Variants in BCKDHB observed in about 807,000 individuals in gnomAD.
BCKDHB encodes the protein branched chain keto acid dehydrogenase E1 subunit beta.
BCKDHB carries 41 observed loss-of-function variants against 48.5 expected under a neutral mutation model. The ratio of observed to expected loss-of-function variants is 0.85; its 90% CI spans 0.66 to 1.10. BCKDHB has a LOEUF of 1.10. Ranked by LOEUF, BCKDHB falls within the 50% of genes least tolerant of loss-of-function variation. The pLI is 0.00. For missense variants in BCKDHB, 496 were observed against 494.2 expected, an observed-to-expected ratio of 1.00 and a Z score of -0.03; for synonymous variants, 201 against 174.8, an observed-to-expected ratio of 1.15 and a Z score of -1.18.
At chr6:80,303,336 G>A (rs796824935) in intron 9 of BCKDHB, among the ~76,000 whole-genome samples, 1 of 152,014 alleles carries the variant, frequency 6.6e-6, no homozygotes, top group Non-Finnish European at 1.5e-5. Context: ...TTTATTTAAC[G>A]AGTTAAGTTC....
chr6:80,227,919 T>C (rs1434789851), intron 8 of BCKDHB, among the ~76,000 whole-genome samples: 1 of 152,234 alleles, frequency 6.6e-6, no homozygotes, highest in Non-Finnish European at 1.5e-5. Flanking sequence ...GAAATATTTT[T>C]TCTTATGATT....
chr6:80,373,965 T>C, the BCKDHB span: 2 of 545,000 alleles, frequency 3.7e-6, no homozygotes, highest in Admixed American at 4.3e-5. Context: ...CATTCTGCCA[T>C]TCTGTGTCTT....
the BCKDHB span, among the ~76,000 whole-genome samples, chr6:80,409,575 CATATATATATATATATATATATAT>C: frequency 0.027 from 1,347 of 50,370 alleles, 53 homozygotes; most frequent in Non-Finnish European, 0.045. Context: ...GTATTGGTTG[CATATATATATATATATATATATAT>C]ATATATATAT....
chr6:80,312,200 T>A (rs977467907), intron 9 of BCKDHB, among the ~76,000 whole-genome samples: 1 of 152,130 alleles, frequency 6.6e-6, no homozygotes, highest in Non-Finnish European at 1.5e-5. Flanking sequence ...TGAATGGGAG[T>A]TCACATTCAT....
chr6:80,318,714 T>C (rs1264951768), intron 9 of BCKDHB, among the ~76,000 whole-genome samples: 1 of 146,520 alleles, frequency 6.8e-6, no homozygotes, highest in East Asian at 2.0e-4. Flanking sequence ...AGAAAAGAAA[T>C]TAGAAAAAAA....
At chr6:80,113,259 C>T (rs1769508657) in intron 1 of BCKDHB, among the ~76,000 whole-genome samples, 1 of 152,224 alleles carries the variant, frequency 6.6e-6, no homozygotes, top group Non-Finnish European at 1.5e-5. Context: ...TCCTCTCCTT[C>T]CCCCTCCTGG....
chr6:80,452,561 A>G, the BCKDHB span, among the ~76,000 whole-genome samples: 2 of 152,222 alleles, frequency 1.3e-5, no homozygotes, highest in Non-Finnish European at 2.9e-5. Flanking sequence ...AGGATTATGA[A>G]ATGTTTATTT....
In BCKDHB at chr6:80,127,295, G is replaced by A. The variant is rs896456607; in HGVS notation, c.197-252G>A. On this transcript the variant is annotated intron_variant, in intron 1 of 9. Transcript: ENST00000320393. Reference sequence around the variant, plus strand: ...TTGTCTACACGCATTTAGTCACTTGGTTATATTCCTTCTTCCTGTTTTATA... The same window carrying A: ...TTGTCTACACGCATTTAGTCACTTGATTATATTCCTTCTTCCTGTTTTATA... 1.1e-5 allele frequency: 5 copies of A among 443,912 alleles called. No homozygotes were observed. The Admixed American group carries it at 1.4e-4, about 12-fold the overall frequency. The allele number at this position is 443,912 out of a possible 1,614,324, so 27.5% of individuals were successfully genotyped here.
At chr6:80,365,441 A>G in the BCKDHB span, among the ~76,000 whole-genome samples, 3 of 152,054 alleles carry the variant, frequency 2.0e-5, no homozygotes, top group African/African-American at 7.2e-5. Flanking sequence ...TTCCTTTCCC[A>G]GGGTATTAAT....
At chr6:80,406,257 G>T in the BCKDHB span, among the ~76,000 whole-genome samples, 2 of 152,174 alleles carry the variant, frequency 1.3e-5, no homozygotes, top group Non-Finnish European at 2.9e-5. Context: ...CCAAGTCTTT[G>T]CTGTTGTGAA....
the BCKDHB span, among the ~76,000 whole-genome samples, chr6:80,354,208 C>T: frequency 6.8e-6 from 1 of 148,144 alleles, no homozygotes; most frequent in Admixed American, 6.7e-5. Context: ...AATTATAACC[C>T]ATTTGTCTTT....
chr6:80,202,388 C>T (rs971032028), intron 7 of BCKDHB, among the ~76,000 whole-genome samples: 2 of 152,110 alleles, frequency 1.3e-5, no homozygotes, highest in Non-Finnish European at 2.9e-5. Flanking sequence ...AGATTCCTTT[C>T]TCCTTAAATA....
chr6:80,335,402 T>C (rs566949038), intron 9 of BCKDHB, among the ~76,000 whole-genome samples: 20 of 152,204 alleles, frequency 1.3e-4, no homozygotes, highest in Non-Finnish European at 2.6e-4. Context: ...TTTATCATTA[T>C]GCTTCCACAT....
At chr6:80,260,658 T>C (rs1004289950) in intron 8 of BCKDHB, among the ~76,000 whole-genome samples, 1 of 152,184 alleles carries the variant, frequency 6.6e-6, no homozygotes, top group Non-Finnish European at 1.5e-5. Flanking sequence ...TAGTTCATTG[T>C]TTTTCTGGGT....
intron 8 of BCKDHB, among the ~76,000 whole-genome samples, chr6:80,231,737 C>T (rs2127888823): frequency 6.6e-6 from 1 of 152,304 alleles, no homozygotes; most frequent in East Asian, 1.9e-4. Context: ...GAGGCCGAAG[C>T]AGGCGGATTA....
At chr6:80,419,203 T>C in the BCKDHB span, among the ~76,000 whole-genome samples, 2 of 152,030 alleles carry the variant, frequency 1.3e-5, no homozygotes, top group African/African-American at 4.8e-5. Flanking sequence ...AGCAAAGTGA[T>C]GTGGGGAGTT....
At chr6:80,159,139 C>A (rs999887209) in intron 3 of BCKDHB, among the ~76,000 whole-genome samples, 3 of 152,094 alleles carry the variant, frequency 2.0e-5, no homozygotes, top group African/African-American at 4.8e-5. Flanking sequence ...CCTAGAAATA[C>A]CCAGTTTAAG....
At chr6:80,302,143 T>C (rs1767616422) in intron 9 of BCKDHB, among the ~76,000 whole-genome samples, 1 of 152,128 alleles carries the variant, frequency 6.6e-6, no homozygotes, top group African/African-American at 2.4e-5. Context: ...CTGGAAGTCC[T>C]GGCCAGAGCA....
intron 9 of BCKDHB, among the ~76,000 whole-genome samples, chr6:80,335,722 A>G (rs1341212423): frequency 6.6e-6 from 1 of 152,042 alleles, no homozygotes; most frequent in Non-Finnish European, 1.5e-5. Context: ...TAGTGAAGAA[A>G]ATTTTTTTTT....
Sources: gnomAD v4.1 joint callset for allele counts (sites outside exome capture counted in the v4.1 genomes callset) on GRCh38, gnomAD v4.1.1 for gene constraint, MANE v1.5 for transcripts, NCBI Gene and HGNC (gene_info 2026-07-23, HGNC 2026-07-21) for gene names.